The following LTBP1 variants were observed in gnomAD, a reference collection of about 807,000 sequenced individuals.
The protein encoded by LTBP1 is latent-transforming growth factor beta-binding protein 1.
LTBP1 carries 129 observed loss-of-function variants against 207.6 expected under a neutral mutation model. The observed-to-expected ratio is 0.62, with a 90% confidence interval of 0.54 to 0.72. The LOEUF (loss-of-function observed/expected upper bound fraction) is 0.72, where lower values mean the gene tolerates loss of function less well. Ranked by LOEUF, LTBP1 falls within the 30% of genes least tolerant of loss-of-function variation. The pLI is 0.00. For missense variants in LTBP1, 2,281 were observed against 2,217.2 expected (o/e 1.03, Z -0.58); for synonymous variants, 963 against 833.7 (o/e 1.16, Z -2.67).
chr2:33,092,372 G>C (rs1169106350), intron 3 of LTBP1, among the ~76,000 whole-genome samples: 1 of 152,188 alleles, frequency 6.6e-6, no homozygotes, highest in African/African-American at 2.4e-5. Flanking sequence ...AAAATACCAA[G>C]TTTATTGAAA....
At chr2:33,386,761 G>T (rs955578540) in intron 31 of LTBP1, among the ~76,000 whole-genome samples, 1 of 152,020 alleles carries the variant, frequency 6.6e-6, no homozygotes, top group African/African-American at 2.4e-5. Context: ...GGAGTTTGAG[G>T]CTGCAGTGAA....
At chr2:32,948,977 A>C (rs1343648374) in intron 2 of LTBP1, 32 bp downstream of exon 2, 1 of 1,608,912 alleles carries the variant, frequency 6.2e-7, no homozygotes, top group Admixed American at 1.7e-5. Flanking sequence ...GGCCCTGCAC[A>C]GTAGGCAAAG....
chr2:33,363,703 C>A (rs966361396), intron 29 of LTBP1, among the ~76,000 whole-genome samples, 185 bp downstream of exon 29: 1 of 152,174 alleles, frequency 6.6e-6, no homozygotes, highest in Non-Finnish European at 1.5e-5. Context: ...CACCTCCATA[C>A]TACTGTTTGA....
At chr2:33,349,452 A>T (rs1373854616) in intron 26 of LTBP1, among the ~76,000 whole-genome samples, 1 of 152,170 alleles carries the variant, frequency 6.6e-6, no homozygotes, top group African/African-American at 2.4e-5. Flanking sequence ...AAGAAAAAAA[A>T]AAAAAGTACA....
At chr2:33,379,499 C>T (rs771495499) in intron 31 of LTBP1, among the ~76,000 whole-genome samples, 8 of 152,150 alleles carry the variant, frequency 5.3e-5, no homozygotes, top group South Asian at 2.1e-4. Context: ...CATGAGCCAC[C>T]GTGCCCGGCC....
At chr2:32,997,557 G>T (rs1685476441) in intron 2 of LTBP1, among the ~76,000 whole-genome samples, 1 of 152,086 alleles carries the variant, frequency 6.6e-6, no homozygotes, top group African/African-American at 2.4e-5. Context: ...GAATCAAATG[G>T]AGAGCGGCTT....
At chr2:33,183,858 A>C (rs921883793) in intron 5 of LTBP1, among the ~76,000 whole-genome samples, 3 of 152,194 alleles carry the variant, frequency 2.0e-5, no homozygotes, top group Non-Finnish European at 2.9e-5. Flanking sequence ...TAGTTTGGGC[A>C]CTAATGAAGG....
chr2:33,276,669 G>A (rs1573566261), intron 18 of LTBP1, among the ~76,000 whole-genome samples: 1 of 152,150 alleles, frequency 6.6e-6, no homozygotes, highest in East Asian at 1.9e-4. Flanking sequence ...TGGCCAACAT[G>A]CTGAAACTCC....
intron 4 of LTBP1, among the ~76,000 whole-genome samples, chr2:33,122,043 A>G (rs2081156435): frequency 6.9e-6 from 1 of 144,962 alleles, no homozygotes; most frequent in Non-Finnish European, 1.5e-5. Flanking sequence ...CCCTCCACAC[A>G]CACATCTTGT....
At chr2:33,028,782 G>A (rs997342921) in intron 3 of LTBP1, among the ~76,000 whole-genome samples, 3 of 152,120 alleles carry the variant, frequency 2.0e-5, no homozygotes, top group Admixed American at 1.3e-4. Flanking sequence ...TGTGTCTTAT[G>A]TTCTTGACCT....
chr2:33,347,560 C>G, intron 26 of LTBP1, 50 bp downstream of exon 26: 1 of 1,607,352 alleles, frequency 6.2e-7, no homozygotes, highest in South Asian at 1.1e-5. Context: ...CTCTCAAAGA[C>G]CTGCACCCAC....
At chr2:33,192,522 T>TAAA (rs201155492) in intron 7 of LTBP1, among the ~76,000 whole-genome samples, 3 of 145,810 alleles carry the variant, frequency 2.1e-5, no homozygotes, top group African/African-American at 7.5e-5. Context: ...CCTGGTTTCT[T>TAAA]AAAAAAAAAA....
intron 5 of LTBP1, among the ~76,000 whole-genome samples, chr2:33,166,999 C>T (rs1359379759): frequency 2.6e-5 from 4 of 152,004 alleles, no homozygotes; most frequent in South Asian, 2.1e-4. Flanking sequence ...CATGGTGTGC[C>T]GAATACTCCT....
In LTBP1 at chr2:33,086,881, A is replaced by G. The variant is rs926430908; in HGVS notation, c.864-23701A>G. Among the ~76,000 whole-genome samples, 8 of 151,708 alleles carry G rather than the reference A, an allele frequency of 5.3e-5. No individual in the cohort carries two copies. The East Asian group carries it at 1.4e-3, about 26-fold the overall frequency. On this transcript the variant is annotated intron_variant, in intron 3 of 33. Coordinates refer to ENST00000404816, the MANE Select transcript of LTBP1 (RefSeq NM_206943.4). ...ACTAACACATTGTCTTTTTATTTAT[A>G]TATTTATTTATTTTTTTTGGTGGAA... is the stretch of plus-strand genomic sequence containing the variant.
At chr2:33,165,920 A>G (rs2084875514) in intron 5 of LTBP1, among the ~76,000 whole-genome samples, 1 of 152,174 alleles carries the variant, frequency 6.6e-6, no homozygotes, top group Non-Finnish European at 1.5e-5. Context: ...CTTTGATGGT[A>G]TGGAGCCTAT....
chr2:33,083,278 A>T (rs2078549335), intron 3 of LTBP1, among the ~76,000 whole-genome samples: 1 of 152,014 alleles, frequency 6.6e-6, no homozygotes, highest in Admixed American at 6.6e-5. Flanking sequence ...AATGAACATA[A>T]GGACCTGTTC....
At chr2:32,981,672 C>T (rs988582995) in intron 2 of LTBP1, among the ~76,000 whole-genome samples, 1 of 152,172 alleles carries the variant, frequency 6.6e-6, no homozygotes, top group Non-Finnish European at 1.5e-5. Context: ...TTGTAGCTCT[C>T]ATAATTCCCA....
chr2:33,063,961 C>T (rs942084297), intron 3 of LTBP1, among the ~76,000 whole-genome samples: 3 of 151,848 alleles, frequency 2.0e-5, no homozygotes, highest in African/African-American at 7.3e-5. Context: ...TCAAGTGACT[C>T]TCCTGCCTCA....
intron 24 of LTBP1, among the ~76,000 whole-genome samples, chr2:33,322,143 T>C (rs2094364519): frequency 6.6e-6 from 1 of 152,144 alleles, no homozygotes; most frequent in Non-Finnish European, 1.5e-5. Flanking sequence ...CCTTTTTTTT[T>C]TTTTATCACT....
Sources: allele counts gnomAD v4.1 joint callset (sites outside exome capture counted in the v4.1 genomes callset), GRCh38; gene constraint gnomAD v4.1.1; transcripts MANE v1.5; gene names NCBI Gene and HGNC (gene_info 2026-07-23, HGNC 2026-07-21).